Variants in DLG2 observed in about 807,000 individuals in gnomAD.
DLG2 encodes disks large homolog 2.
In DLG2, 45 loss-of-function variants were observed where a neutral mutation model predicts 132.5. The observed-to-expected ratio is 0.34, with a 90% CI of 0.27 to 0.44. The LOEUF (loss-of-function observed/expected upper bound fraction) is 0.44, where lower values mean the gene tolerates loss of function less well. Among genes scored for constraint, DLG2 ranks in the 20% least tolerant of loss-of-function variants. The pLI is 1.00. For missense variants in DLG2, 1,045 were observed against 1,196.9 expected, an observed-to-expected ratio of 0.87 and a Z score of 1.87; for synonymous variants, 424 against 419.6, an observed-to-expected ratio of 1.01 and a Z score of -0.13.
chr11:84,246,871 C>T (rs545395809), intron 8 of DLG2, among the ~76,000 whole-genome samples: 29 of 151,986 alleles, frequency 1.9e-4, no homozygotes, highest in East Asian at 1.7e-3. Context: ...TGCTTATTGC[C>T]GCTGATTTTT....
At chr11:85,095,447 A>G (rs1411678927) in intron 6 of DLG2, among the ~76,000 whole-genome samples, 1 of 152,222 alleles carries the variant, frequency 6.6e-6, no homozygotes, top group Non-Finnish European at 1.5e-5. Context: ...AAACTACTGT[A>G]ACAATGACTT....
At chr11:83,970,878 TTCTGTGTGG>T (rs1243351616) in intron 12 of DLG2, among the ~76,000 whole-genome samples, 2 of 152,188 alleles carry the variant, frequency 1.3e-5, no homozygotes, top group Non-Finnish European at 2.9e-5. Flanking sequence ...CTGATGAAGC[TTCTGTGTGG>T]TCTTTTTAAA....
At chr11:85,521,118 T>C (rs988315427) in intron 3 of DLG2, among the ~76,000 whole-genome samples, 1 of 152,182 alleles carries the variant, frequency 6.6e-6, no homozygotes, top group African/African-American at 2.4e-5. Flanking sequence ...CTATCTGATG[T>C]GGTCTGGCTC....
At chr11:85,281,208 C>T (rs111837218) in intron 4 of DLG2, among the ~76,000 whole-genome samples, 2,442 of 152,100 alleles carry the variant, frequency 0.016, 34 homozygotes, top group Non-Finnish European at 0.023. Flanking sequence ...AAGCTGAATG[C>T]AAACAAGTCG....
chr11:84,576,470 C>T (rs1489230719), intron 6 of DLG2, among the ~76,000 whole-genome samples: 1 of 152,160 alleles, frequency 6.6e-6, no homozygotes, highest in African/African-American at 2.4e-5. Context: ...AGATGATGAT[C>T]AAGCTGAGCC....
In DLG2 at chr11:84,093,141, A is replaced by C. The variant is rs1003659419; in HGVS notation, c.749+5782T>G. Among the ~76,000 whole-genome samples the C allele has an allele frequency of 2.6e-5, 4 of 152,274 alleles. No individual in the cohort carries two copies. In the South Asian group the frequency reaches 8.3e-4, roughly 32 times the overall value. On this transcript the variant is annotated intron_variant, in intron 10 of 27. Coordinates refer to ENST00000376104, the MANE Select transcript of DLG2 (RefSeq NM_001142699.3). ...TATTAGCTCACTATTGGTGTATGTC[A>C]TAAGTCTAGCACAGCGAGGCCAGAA... is the stretch of plus-strand genomic sequence containing the variant.
At chr11:84,781,556 C>G (rs1197230958) in intron 6 of DLG2, among the ~76,000 whole-genome samples, 1 of 151,836 alleles carries the variant, frequency 6.6e-6, no homozygotes, top group Non-Finnish European at 1.5e-5. Context: ...TAGAAATTGT[C>G]CTTTAAGTGC....
chr11:83,481,922 C>T (rs1459139873), intron 22 of DLG2, among the ~76,000 whole-genome samples: 2 of 151,926 alleles, frequency 1.3e-5, no homozygotes, highest in Non-Finnish European at 2.9e-5. Flanking sequence ...TTCTGACACT[C>T]CAAAAGCCAC....
intron 21 of DLG2, among the ~76,000 whole-genome samples, chr11:83,515,777 A>G (rs887240293): frequency 5.9e-5 from 9 of 152,140 alleles, no homozygotes; most frequent in Non-Finnish European, 5.9e-5. Context: ...TCATTTCGTT[A>G]TGTACCTAGT....
At chr11:85,190,289 C>T (rs61467881) in intron 4 of DLG2, among the ~76,000 whole-genome samples, 46 of 152,026 alleles carry the variant, frequency 3.0e-4, no homozygotes, top group Non-Finnish European at 4.1e-4. Context: ...CAGAATAGCT[C>T]GGACTAAACT....
chr11:84,759,962 A>G (rs796322293), intron 6 of DLG2, among the ~76,000 whole-genome samples: 88 of 152,306 alleles, frequency 5.8e-4, no homozygotes, highest in African/African-American at 2.0e-3. Context: ...GTACTCCTAG[A>G]GTGCAGTACG....
intron 6 of DLG2, among the ~76,000 whole-genome samples, chr11:85,100,161 CTGAGG>C (rs1419627848): frequency 6.6e-6 from 1 of 152,066 alleles, no homozygotes; most frequent in African/African-American, 2.4e-5. Flanking sequence ...CTTACACTAT[CTGAGG>C]TAAGTGGAAG....
chr11:85,412,725 T>TCTCACACA (rs1555108877), intron 3 of DLG2, among the ~76,000 whole-genome samples: 2 of 92,254 alleles, frequency 2.2e-5, no homozygotes, highest in African/African-American at 4.0e-5. Context: ...GAGCAGTATT[T>TCTCACACA]CACACACACA....
At chr11:84,819,583 C>T (rs1489452268) in intron 6 of DLG2, among the ~76,000 whole-genome samples, 3 of 151,796 alleles carry the variant, frequency 2.0e-5, no homozygotes, top group African/African-American at 4.8e-5. Context: ...CTCTACAATC[C>T]GAGCCTGCTG....
chr11:85,338,943 C>T (rs1465534845), intron 3 of DLG2, among the ~76,000 whole-genome samples: 2 of 152,084 alleles, frequency 1.3e-5, no homozygotes, highest in Admixed American at 6.5e-5. Flanking sequence ...CCGCCCGCCT[C>T]GGCCTCCCAA....
chr11:85,221,045 T>C (rs2074603965), intron 4 of DLG2, among the ~76,000 whole-genome samples: 2 of 151,448 alleles, frequency 1.3e-5, no homozygotes, highest in African/African-American at 4.9e-5. Flanking sequence ...AGTCAAACTT[T>C]CTTTTTTTTT....
At chr11:84,142,833 T>C (rs865877092) in intron 9 of DLG2, among the ~76,000 whole-genome samples, 1 of 152,244 alleles carries the variant, frequency 6.6e-6, no homozygotes, top group African/African-American at 2.4e-5. Flanking sequence ...ACTGAATTAA[T>C]TGTACCACTG....
chr11:84,473,779 G>A (rs1228424695), intron 7 of DLG2, among the ~76,000 whole-genome samples: 1 of 151,866 alleles, frequency 6.6e-6, no homozygotes, highest in Non-Finnish European at 1.5e-5. Flanking sequence ...AGTAAAAGAA[G>A]GAATCTGCTG....
At chr11:85,368,685 A>C (rs2084740294) in intron 3 of DLG2, among the ~76,000 whole-genome samples, 1 of 152,224 alleles carries the variant, frequency 6.6e-6, no homozygotes, top group Non-Finnish European at 1.5e-5. Flanking sequence ...TGCATATCTG[A>C]GTCTCTCTCA....
Sources: allele counts gnomAD v4.1 joint callset (sites outside exome capture counted in the v4.1 genomes callset), GRCh38; gene constraint gnomAD v4.1.1; transcripts MANE v1.5; gene names NCBI Gene and HGNC (gene_info 2026-07-23, HGNC 2026-07-21).